Variants in TNIK observed in about 807,000 individuals in gnomAD.
TNIK encodes TRAF2 and NCK interacting kinase.
Under a neutral mutation model 191.3 loss-of-function variants are expected in TNIK, and 49 were observed. That is an observed-to-expected ratio of 0.26 (90% CI 0.20 to 0.32). The LOEUF (loss-of-function observed/expected upper bound fraction) is 0.32. TNIK is among the 10% of genes least tolerant of loss of function. The pLI, the probability that TNIK is intolerant of heterozygous loss-of-function variation, is 1.00. For synonymous variants in TNIK, 594 were observed against 600.9 expected (o/e 0.99, Z 0.17); for missense variants, 1,155 against 1,702.3 (o/e 0.68, Z 5.66).
intron 18 of TNIK, among the ~76,000 whole-genome samples, chr3:171,121,609 G>A (rs1727763262): frequency 6.6e-6 from 1 of 152,204 alleles, no homozygotes; most frequent in South Asian, 2.1e-4. Context: ...GAGAGCAGCT[G>A]AACTCCTTAG....
rs149857199 is a variant in TNIK, at chr3:171,074,572, G to T, written c.3449-3249C>A. Among the ~76,000 whole-genome samples the T allele has an allele frequency of 1.4e-3, 219 of 151,762 alleles. 3 individuals carry two copies. The East Asian group carries it at 0.038, about 26-fold the overall frequency. ...TTTGCTGATTTTCAGGGTGAAAGAA[G>T]AAATAAATAAGTTTATATTTTTAAA... is the stretch of plus-strand genomic sequence containing the variant. On this transcript the variant is annotated intron_variant, in intron 28 of 32. Transcript: ENST00000436636.
intron 8 of TNIK, among the ~76,000 whole-genome samples, chr3:171,175,876 C>T (rs1025892920): frequency 8.5e-5 from 13 of 152,162 alleles, no homozygotes; most frequent in African/African-American, 2.7e-4. Context: ...TTTCAGGTTT[C>T]GTAACGGGTT....
At chr3:171,412,008 G>A (rs1722488497) in intron 1 of TNIK, among the ~76,000 whole-genome samples, 1 of 152,126 alleles carries the variant, frequency 6.6e-6, no homozygotes, top group East Asian at 1.9e-4. Context: ...TTGGGTGCCT[G>A]CTCTTATAGC....
chr3:171,131,041 T>C (rs937428386), intron 15 of TNIK, among the ~76,000 whole-genome samples: 2 of 144,764 alleles, frequency 1.4e-5, no homozygotes, highest in Admixed American at 1.4e-4. Context: ...CTGCTGCTAA[T>C]AGGATCACAG....
intron 7 of TNIK, among the ~76,000 whole-genome samples, chr3:171,182,717 C>T (rs923627069): frequency 3.3e-5 from 5 of 152,284 alleles, no homozygotes; most frequent in Non-Finnish European, 7.4e-5. Flanking sequence ...AGAAAGCATT[C>T]CTTCTGGGGC....
intron 32 of TNIK, among the ~76,000 whole-genome samples, chr3:171,064,266 G>T (rs1270578712): frequency 6.6e-6 from 1 of 152,126 alleles, no homozygotes; most frequent in Non-Finnish European, 1.5e-5. Context: ...TTTCATGCTA[G>T]GATAACGTGC....
chr3:171,145,957 T>C (rs2108657825), intron 12 of TNIK, among the ~76,000 whole-genome samples: 1 of 152,306 alleles, frequency 6.6e-6, no homozygotes, highest in African/African-American at 2.4e-5. Flanking sequence ...CCACTGCATT[T>C]ATGCCAGGAA....
rs73046886 is a variant in TNIK at position 171,380,634 on chromosome 3, G to A, written c.58-10949C>T. 5.6e-3 allele frequency among the ~76,000 whole-genome samples: 857 copies of A among 152,356 alleles called. 11 individuals are homozygous for A. Among genetic ancestry groups the A allele is most frequent in the African/African-American group, 0.019 (809 of 41,592 alleles). On this transcript the variant is annotated intron_variant, in intron 1 of 32. Transcript: ENST00000436636. Reference sequence around the variant, plus strand: ...TAACTCTATTCTAAGTCTAATAGGAGTATGAGGCCCCCTTTACCAGCTGCC... The same window carrying A: ...TAACTCTATTCTAAGTCTAATAGGAATATGAGGCCCCCTTTACCAGCTGCC...
intron 19 of TNIK, among the ~76,000 whole-genome samples, chr3:171,109,909 A>ATT (rs112705012): frequency 1.4e-5 from 2 of 146,110 alleles, no homozygotes; most frequent in African/African-American, 2.5e-5. Flanking sequence ...GGAGTCAACA[A>ATT]TTTTTTTTTT....
In TNIK at chr3:171,159,189, G is replaced by A. The variant is rs112793391; in HGVS notation, c.1017-1525C>T. On this transcript the variant is annotated intron_variant, in intron 11 of 32. Coordinates refer to ENST00000436636, the MANE Select transcript of TNIK (RefSeq NM_015028.4). The surrounding 1 kb of genome is among the most constrained non-coding windows in gnomAD (Gnocchi z 4.1). ...TTCTGGGGTGGGGACACCACCCAGG[G>A]CGAGAGCAGAGCGGGTGGAGGAGGG... 1.3e-5 allele frequency among the ~76,000 whole-genome samples: 2 copies of A among 152,128 alleles called. No individual in the cohort carries two copies. Among genetic ancestry groups the A allele is most frequent in the African/African-American group, 4.8e-5 (2 of 41,434 alleles).
At chr3:171,284,028 A>G (rs937470339) in intron 2 of TNIK, among the ~76,000 whole-genome samples, 4 of 152,212 alleles carry the variant, frequency 2.6e-5, no homozygotes, top group East Asian at 1.9e-4. Context: ...TTTGCCCGTT[A>G]TCCCCTGAGA....
intron 9 of TNIK, among the ~76,000 whole-genome samples, chr3:171,168,770 T>TGC (rs1734926047): frequency 6.6e-6 from 1 of 152,184 alleles, no homozygotes; most frequent in Admixed American, 6.5e-5. Flanking sequence ...TGCATATCCT[T>TGC]GCTTCTTCCC....
At chr3:171,393,711 C>T (rs1719862061) in intron 1 of TNIK, among the ~76,000 whole-genome samples, 1 of 152,214 alleles carries the variant, frequency 6.6e-6, no homozygotes, top group South Asian at 2.1e-4. Context: ...CTTCAAGGAA[C>T]ACAGTAACTG....
At chr3:171,423,039 G>A (rs1724034517) in intron 1 of TNIK, among the ~76,000 whole-genome samples, 1 of 152,150 alleles carries the variant, frequency 6.6e-6, no homozygotes, top group Non-Finnish European at 1.5e-5. Context: ...GAGTCAATAC[G>A]TGACATTGTG....
At chr3:171,103,711 G>A (rs1302293803) in intron 21 of TNIK, among the ~76,000 whole-genome samples, 1 of 151,938 alleles carries the variant, frequency 6.6e-6, no homozygotes, top group Non-Finnish European at 1.5e-5. Context: ...TTTAAAGAGA[G>A]AATATGGTTT....
intron 1 of TNIK, among the ~76,000 whole-genome samples, chr3:171,407,514 A>G (rs575314739): frequency 6.6e-6 from 1 of 152,212 alleles, no homozygotes; most frequent in Non-Finnish European, 1.5e-5. Context: ...CTCTTTAAAC[A>G]GACTGAGGGA....
At chr3:171,074,149 C>T (rs953283967) in intron 28 of TNIK, among the ~76,000 whole-genome samples, 1 of 151,352 alleles carries the variant, frequency 6.6e-6, no homozygotes, top group Non-Finnish European at 1.5e-5. Flanking sequence ...GATAAAGAAA[C>T]TGTTGTATAT....
intron 6 of TNIK, among the ~76,000 whole-genome samples, chr3:171,189,671 C>T (rs1249549724): frequency 2.6e-5 from 4 of 152,178 alleles, no homozygotes; most frequent in African/African-American, 9.6e-5. Flanking sequence ...ATGACATCTA[C>T]ACAGAGTTGC....
intron 2 of TNIK, among the ~76,000 whole-genome samples, chr3:171,258,643 A>G (rs1235737769): frequency 1.3e-5 from 2 of 152,056 alleles, no homozygotes; most frequent in Admixed American, 6.5e-5. Context: ...ATAAAAAGGA[A>G]GCTCTTCCAA....
Sources: gnomAD v4.1 joint callset for allele counts (sites outside exome capture counted in the v4.1 genomes callset) on GRCh38, gnomAD v4.1.1 for gene constraint, Gnocchi (gnomAD v3.1) non-coding constraint, MANE v1.5 for transcripts, NCBI Gene and HGNC (gene_info 2026-07-23, HGNC 2026-07-21) for gene names.